The following DNMBP variants were observed in gnomAD, a reference collection of about 807,000 sequenced individuals.
DNMBP encodes the protein dynamin-binding protein.
In DNMBP, 87 loss-of-function variants were observed where a neutral mutation model predicts 150.0. That is an observed-to-expected ratio of 0.58 (90% CI 0.49 to 0.69). The LOEUF is 0.69. DNMBP is among the 30% of genes least tolerant of loss of function. DNMBP has a pLI of 0.00. For synonymous variants in DNMBP, 711 were observed against 750.4 expected, an observed-to-expected ratio of 0.95 and a Z score of 0.86; for missense variants, 1,774 against 1,949.0, an observed-to-expected ratio of 0.91 and a Z score of 1.69.
intron 1 of DNMBP, among the ~76,000 whole-genome samples, chr10:99,998,992 A>C (rs949747389): frequency 6.6e-6 from 1 of 152,208 alleles, no homozygotes; most frequent in African/African-American, 2.4e-5. Context: ...TACCTGGATG[A>C]TTTCAGAGCT....
rs188656103 is a variant in DNMBP, at chr10:99,881,446, G to T, written c.3998-1085C>A. Among the ~76,000 whole-genome samples, 6 of 152,324 alleles carry T rather than the reference G, an allele frequency of 3.9e-5. No individual in the cohort carries two copies. In the East Asian group the frequency reaches 1.2e-3, roughly 29 times the overall value. On this transcript the variant is annotated intron_variant, in intron 15 of 16. Coordinates refer to ENST00000324109, the MANE Select transcript of DNMBP (RefSeq NM_015221.4). ...AAGGGGGCTTTCAGCTAAAACTCAA[G>T]TATAAATTAGGGATTGCGTGAGCAT...
intron 4 of DNMBP, among the ~76,000 whole-genome samples, chr10:99,936,057 C>T (rs2133296103): frequency 6.6e-6 from 1 of 152,142 alleles, no homozygotes; most frequent in East Asian, 1.9e-4. Context: ...GAAATTTTAA[C>T]TATAAAAGTA....
intron 1 of DNMBP, among the ~76,000 whole-genome samples, chr10:99,977,677 A>T (rs767017629): frequency 6.6e-6 from 1 of 152,256 alleles, no homozygotes; most frequent in Non-Finnish European, 1.5e-5. Flanking sequence ...GGTCTACAGC[A>T]GTGCCTGGCA....
At chr10:99,917,611 G>A (rs1277851904) in intron 4 of DNMBP, among the ~76,000 whole-genome samples, 1 of 152,088 alleles carries the variant, frequency 6.6e-6, no homozygotes, top group Non-Finnish European at 1.5e-5. Context: ...CATTTCAAAC[G>A]TTCTTTACAT....
rs1246113384 is a variant in DNMBP at position 99,956,070 on chromosome 10, T to C, written c.1404A>G (p.Leu468=). 1 of 1,614,210 alleles carries C rather than the reference T, an allele frequency of 6.2e-7. No individual in the cohort carries two copies. The highest frequency in any genetic ancestry group is 8.5e-7 in the Non-Finnish European group (1 of 1,180,026). The change falls in exon 4 of 17, where the codon CTA becomes CTG. Residue 468 remains leucine (L), a synonymous_variant. Coordinates refer to ENST00000324109, the MANE Select transcript of DNMBP (RefSeq NM_015221.4). ...SLPPKRMYSQ[L]KTLQKPVLPL... ...GGAGCACTGGCTTCTGAAGAGTTTT[T>C]AGCTGGGAATACATTCTTTTGGGAG...
chr10:100,008,123 T>A (rs1343206666), intron 1 of DNMBP, among the ~76,000 whole-genome samples: 4 of 152,178 alleles, frequency 2.6e-5, no homozygotes, highest in African/African-American at 4.8e-5. Context: ...ACGCCTGTAA[T>A]CCCAGCATTT....
intron 13 of DNMBP, 148 bp from the exon 14 acceptor site, chr10:99,886,014 T>A (rs566841902): frequency 4.5e-5 from 40 of 883,164 alleles, no homozygotes; most frequent in Non-Finnish European, 6.5e-5. Flanking sequence ...GCTCATTCTC[T>A]GAGCTACCGA....
At chr10:100,001,124 G>T (rs191562933) in intron 1 of DNMBP, among the ~76,000 whole-genome samples, 11 of 149,146 alleles carry the variant, frequency 7.4e-5, no homozygotes, top group African/African-American at 2.7e-4. Flanking sequence ...CCAGCTACTC[G>T]GGAGGCTAAG....
rs1168263575 is a variant in DNMBP, at chr10:99,880,093, T to G, written c.4266A>C (p.Leu1422=). 6.2e-7 allele frequency: 1 copy of G among 1,614,076 alleles called. No homozygotes were observed. Among genetic ancestry groups the G allele is most frequent in the African/African-American group, 1.3e-5 (1 of 74,932 alleles). The change falls in exon 16 of 17, where the codon CTA becomes CTC. Residue 1422 remains leucine (L), a synonymous_variant. Transcript: ENST00000324109. ...GACTACTCTCTGAATTACTCGGATT[T>G]AGGGATGCACTGAGAGTTCCTTGGT... The part of the protein sequence containing the change: ...ECDQGTLSAS[L]NPSNSESSPS...
At chr10:99,931,333 T>TA (rs1171292667) in intron 4 of DNMBP, among the ~76,000 whole-genome samples, 2 of 152,164 alleles carry the variant, frequency 1.3e-5, no homozygotes, top group Admixed American at 6.5e-5. Context: ...TCCCTTAACT[T>TA]AGAGTCAGGA....
At chr10:99,972,966 G>C (rs1465529634) in intron 1 of DNMBP, among the ~76,000 whole-genome samples, 1 of 152,194 alleles carries the variant, frequency 6.6e-6, no homozygotes, top group African/African-American at 2.4e-5. Flanking sequence ...ATTTTTAGTA[G>C]AGACAGGGTT....
chr10:100,005,280 T>C (rs1172654381), intron 1 of DNMBP, among the ~76,000 whole-genome samples: 1 of 152,160 alleles, frequency 6.6e-6, no homozygotes, highest in African/African-American at 2.4e-5. Context: ...TAAGGAGACA[T>C]GTAGGAAGAT....
At chr10:99,969,262 A>G in intron 2 of DNMBP, 25 bp from the exon 3 acceptor site, 1 of 1,613,304 alleles carries the variant, frequency 6.2e-7, no homozygotes, top group Non-Finnish European at 8.5e-7. Flanking sequence ...AAACATATTA[A>G]ATTTTAATAC....
intron 15 of DNMBP, among the ~76,000 whole-genome samples, chr10:99,883,314 G>A (rs938514565): frequency 1.3e-5 from 2 of 152,074 alleles, no homozygotes; most frequent in Non-Finnish European, 2.9e-5. Flanking sequence ...GTCATGGGGA[G>A]AAGAAAGCAA....
intron 4 of DNMBP, among the ~76,000 whole-genome samples, chr10:99,910,594 T>C (rs2039886996): frequency 6.6e-6 from 1 of 152,206 alleles, no homozygotes; most frequent in Admixed American, 6.5e-5. Context: ...GGTTTCTAGA[T>C]GCCATTCTCC....
At chr10:99,966,764 C>T (rs918983448) in intron 3 of DNMBP, among the ~76,000 whole-genome samples, 1 of 152,022 alleles carries the variant, frequency 6.6e-6, no homozygotes, top group South Asian at 2.1e-4. Flanking sequence ...AGCGTGGTGG[C>T]GTTTTCTCTC....
At chr10:99,978,568 T>C (rs1222318934) in intron 1 of DNMBP, among the ~76,000 whole-genome samples, 1 of 152,182 alleles carries the variant, frequency 6.6e-6, no homozygotes. Context: ...CCAATATTTG[T>C]TTACGGTTTT....
intron 1 of DNMBP, among the ~76,000 whole-genome samples, chr10:99,998,481 G>A (rs61871670): frequency 0.033 from 4,931 of 151,720 alleles, 79 homozygotes; most frequent in South Asian, 0.08. Flanking sequence ...TCAGGAGGCT[G>A]GGGCGGGAGA....
At chr10:99,948,273 C>T (rs1187723036) in intron 4 of DNMBP, among the ~76,000 whole-genome samples, 1 of 152,144 alleles carries the variant, frequency 6.6e-6, no homozygotes, top group Non-Finnish European at 1.5e-5. Flanking sequence ...CACAGGAAAA[C>T]TTGTCATCTT....
Sources: gnomAD v4.1 joint callset for allele counts (sites outside exome capture counted in the v4.1 genomes callset) on GRCh38, gnomAD v4.1.1 for gene constraint, MANE v1.5 for transcripts, NCBI Gene and HGNC (gene_info 2026-07-23, HGNC 2026-07-21) for gene names.